Variants in ARHGAP44 observed in about 807,000 individuals in gnomAD.
ARHGAP44 encodes the protein rho GTPase-activating protein 44.
A neutral mutation model predicts 106.8 loss-of-function variants in ARHGAP44; 43 were observed. That is an observed-to-expected ratio of 0.40 (90% CI 0.32 to 0.52). The LOEUF is 0.52. Among genes scored for constraint, ARHGAP44 ranks in the 20% least tolerant of loss-of-function variants. The probability of loss-of-function intolerance (pLI) is 0.48; values close to 1 mark genes in which losing one functional copy is unlikely to be tolerated. For missense variants in ARHGAP44, 866 were observed against 1,050.5 expected (o/e 0.82, Z 2.43); for synonymous variants, 439 against 410.3 (o/e 1.07, Z -0.85).
At chr17:12,828,641 T>C (rs907469223) in intron 1 of ARHGAP44, among the ~76,000 whole-genome samples, 3 of 143,848 alleles carry the variant, frequency 2.1e-5, no homozygotes, top group Non-Finnish European at 4.5e-5. Context: ...TCTTTCTTTT[T>C]TTTTTTTTTT....
intron 7 of ARHGAP44, among the ~76,000 whole-genome samples, chr17:12,929,587 CTG>C (rs2038341318): frequency 6.6e-6 from 1 of 152,220 alleles, no homozygotes; most frequent in South Asian, 2.1e-4. Flanking sequence ...AACTGCGACT[CTG>C]TACTCGTGTA....
At chr17:12,980,725 T>C (rs1300173637) in intron 19 of ARHGAP44, among the ~76,000 whole-genome samples, 1 of 152,202 alleles carries the variant, frequency 6.6e-6, no homozygotes, top group Non-Finnish European at 1.5e-5. Context: ...TGACCAGTTA[T>C]TATCTCTTCA....
intron 1 of ARHGAP44, among the ~76,000 whole-genome samples, chr17:12,825,884 TG>T: frequency 6.6e-6 from 1 of 152,274 alleles, no homozygotes; most frequent in Admixed American, 6.5e-5. Flanking sequence ...AAACATTGAT[TG>T]TATGGATTTG....
intron 4 of ARHGAP44, among the ~76,000 whole-genome samples, chr17:12,911,656 C>T (rs8077610): frequency 0.14 from 21,180 of 152,124 alleles, 2,243 homozygotes; most frequent in East Asian, 0.34. Context: ...GTCTAGGAAC[C>T]TGTCATCCCC....
rs1598048615 is a variant in ARHGAP44 at position 12,916,088 on chromosome 17, A to G, written c.387+77A>G. Reference sequence around the variant, plus strand: ...GGAGCCCCTCAATCATTCTGTTTCCAGCATTCTACTTCTTTCCCTTAACCT... The same window carrying G: ...GGAGCCCCTCAATCATTCTGTTTCCGGCATTCTACTTCTTTCCCTTAACCT... On this transcript the variant is annotated intron_variant, in intron 5 of 20. Transcript: ENST00000379672. The G allele has an allele frequency of 8.5e-6, 10 of 1,174,226 alleles. No individual in the cohort carries two copies. The East Asian group carries it at 2.4e-4, about 28-fold the overall frequency. The allele number at this position is 1,174,226 out of a possible 1,614,324, so 72.7% of individuals were successfully genotyped here. A position where few individuals can be genotyped will look rare whatever the true frequency, so the allele number is the denominator to read the frequency against.
intron 20 of ARHGAP44, among the ~76,000 whole-genome samples, chr17:12,989,157 G>A (rs998630078): frequency 4.1e-5 from 6 of 147,308 alleles, no homozygotes; most frequent in African/African-American, 5.0e-5. Context: ...ACAGCATGAC[G>A]AGAGTAAAGG....
At chr17:12,974,374 C>T (rs2039617251) in intron 18 of ARHGAP44, 64 bp downstream of exon 18, 3 of 1,274,458 alleles carry the variant, frequency 2.4e-6, no homozygotes, top group Non-Finnish European at 2.0e-6. Flanking sequence ...CTGGGTTGGC[C>T]GCACTGGAGG....
chr17:12,944,944 A>T (rs931940615), intron 10 of ARHGAP44, among the ~76,000 whole-genome samples: 1 of 152,124 alleles, frequency 6.6e-6, no homozygotes, highest in African/African-American at 2.4e-5. Flanking sequence ...GAGATCCTGA[A>T]AATATGATTG....
intron 1 of ARHGAP44, among the ~76,000 whole-genome samples, chr17:12,810,611 C>A (rs942274939): frequency 6.6e-6 from 1 of 152,114 alleles, no homozygotes; most frequent in Non-Finnish European, 1.5e-5. Flanking sequence ...CTTAATCAAT[C>A]ATGCATATGG....
chr17:12,901,702 A>G (rs1302825216), intron 3 of ARHGAP44, among the ~76,000 whole-genome samples: 2 of 152,112 alleles, frequency 1.3e-5, no homozygotes, highest in South Asian at 2.1e-4. Context: ...GTGAGAAGAC[A>G]TATGGCTTTT....
chr17:12,815,172 T>C (rs1410850458), intron 1 of ARHGAP44, among the ~76,000 whole-genome samples: 2 of 152,088 alleles, frequency 1.3e-5, no homozygotes, highest in East Asian at 3.9e-4. Context: ...TTCCTGATTC[T>C]CCAGAGTCTC....
intron 20 of ARHGAP44, chr17:12,988,450 G>C (rs1053118611): frequency 6.6e-6 from 1 of 152,232 alleles, no homozygotes; most frequent in Non-Finnish European, 1.5e-5. Flanking sequence ...GTAGAGACAT[G>C]ACCCAAGTAG....
chr17:12,883,385 T>G (rs1242156955), intron 1 of ARHGAP44, among the ~76,000 whole-genome samples: 1 of 151,704 alleles, frequency 6.6e-6, no homozygotes, highest in Non-Finnish European at 1.5e-5. Flanking sequence ...GTTTCTTTTT[T>G]TATTGTTTTT....
intron 16 of ARHGAP44, among the ~76,000 whole-genome samples, chr17:12,959,839 C>T (rs1350415773): frequency 6.6e-6 from 1 of 152,236 alleles, no homozygotes; most frequent in Non-Finnish European, 1.5e-5. Flanking sequence ...GAAATGCAGA[C>T]AACAGGAAGT....
intron 3 of ARHGAP44, among the ~76,000 whole-genome samples, chr17:12,901,217 C>G (rs1282056259): frequency 6.6e-6 from 1 of 152,070 alleles, no homozygotes; most frequent in Admixed American, 6.6e-5. Context: ...AGCCACCACA[C>G]CCGGCCAAGT....
intron 13 of ARHGAP44, among the ~76,000 whole-genome samples, chr17:12,953,913 G>T (rs2039060270): frequency 1.3e-5 from 2 of 152,094 alleles, no homozygotes; most frequent in Non-Finnish European, 2.9e-5. Context: ...TTGAGACAGA[G>T]TCTCACTCTA....
rs75840989 is a variant in ARHGAP44 at position 12,836,343 on chromosome 17, A to G, written c.53+46452A>G. ...TACAGTGGACTCCAGACCAAGGAAA[A>G]TTACAGAGATAAAGAGAGACATGGC... is the stretch of plus-strand genomic sequence containing the variant. On this transcript the variant is annotated intron_variant, in intron 1 of 20. Coordinates refer to ENST00000379672, the MANE Select transcript of ARHGAP44 (RefSeq NM_014859.6). Among the ~76,000 whole-genome samples, 750 of 152,260 alleles carry G rather than the reference A, an allele frequency of 4.9e-3. 26 individuals are homozygous for G. The East Asian group carries it at 0.07, about 14-fold the overall frequency.
chr17:12,869,434 A>T (rs1163686776), intron 1 of ARHGAP44, among the ~76,000 whole-genome samples: 4 of 25,768 alleles, frequency 1.6e-4, no homozygotes, highest in Non-Finnish European at 4.2e-4. Flanking sequence ...GTCATTTTTA[A>T]ATTTTTTTTT....
chr17:12,986,798 G>A, intron 20 of ARHGAP44: 1 of 283,258 alleles, frequency 3.5e-6, no homozygotes, highest in Non-Finnish European at 6.6e-6. Flanking sequence ...TGGGAGGACA[G>A]CACCCCCAGG....
Sources: gnomAD v4.1 joint callset for allele counts (sites outside exome capture counted in the v4.1 genomes callset) on GRCh38, gnomAD v4.1.1 for gene constraint, MANE v1.5 for transcripts, NCBI Gene and HGNC (gene_info 2026-07-23, HGNC 2026-07-21) for gene names.